Variants in LRP1B observed in about 807,000 individuals in gnomAD.
LRP1B encodes LDL receptor related protein 1B, also known as low-density lipoprotein receptor-related protein 1B.
LRP1B carries 217 observed loss-of-function variants against 556.6 expected under a neutral mutation model. The observed-to-expected ratio is 0.39, with a 90% CI of 0.35 to 0.44. The LOEUF is 0.44. LRP1B is among the 20% of genes least tolerant of loss of function. The pLI is 1.00. For missense variants in LRP1B, 5,053 were observed against 5,620.8 expected, an observed-to-expected ratio of 0.90 and a Z score of 3.23; for synonymous variants, 2,047 against 1,865.8, an observed-to-expected ratio of 1.10 and a Z score of -2.50.
chr2:140,447,330 A>C (rs1484019007), intron 63 of LRP1B, among the ~76,000 whole-genome samples: 1 of 152,110 alleles, frequency 6.6e-6, no homozygotes, highest in Admixed American at 6.6e-5. Flanking sequence ...CATACCTAGA[A>C]GATATTGGAG....
chr2:140,699,797 TTA>T (rs1195543735), intron 41 of LRP1B, among the ~76,000 whole-genome samples: 1 of 147,370 alleles, frequency 6.8e-6, no homozygotes, highest in Non-Finnish European at 1.5e-5. Context: ...ATAATATATA[TTA>T]TATATATATT....
chr2:140,923,070 G>T lies in LRP1B; in HGVS notation c.3214C>A (p.Arg1072Ser). 1 of 1,612,798 alleles carries T rather than the reference G, an allele frequency of 6.2e-7. No homozygotes were observed. The highest frequency in any genetic ancestry group is 1.1e-5 in the South Asian group (1 of 91,032). ...PDGNCVPDLW[R>S]CDGEKDCEDG... ...TCACAGTCTTTTTCTCCATCACAGC[G>T]CCACAAATCAGGAACGCAATTACCA... Residue 1072 changes from arginine to serine, a missense_variant, in exon 21 of 91, where the codon CGC becomes AGC. This residue lies in a region of LRP1B where 3,619 missense variants were observed against 3,931.9 expected (regional missense o/e 0.92). Coordinates refer to ENST00000389484, the MANE Select transcript of LRP1B (RefSeq NM_018557.3).
intron 1 of LRP1B, among the ~76,000 whole-genome samples, chr2:141,994,454 CA>C (rs1379962111): frequency 6.6e-6 from 1 of 152,002 alleles, no homozygotes; most frequent in Non-Finnish European, 1.5e-5. Context: ...GTGAATCACA[CA>C]AAATATTTTC....
chr2:141,051,847 C>G (rs975904426), intron 10 of LRP1B, among the ~76,000 whole-genome samples: 2 of 151,982 alleles, frequency 1.3e-5, no homozygotes, highest in Non-Finnish European at 2.9e-5. Flanking sequence ...ATACTTCACT[C>G]ATTTTCATTG....
chr2:141,865,306 G>A (rs867745588), intron 1 of LRP1B, among the ~76,000 whole-genome samples: 1 of 152,084 alleles, frequency 6.6e-6, no homozygotes, highest in African/African-American at 2.4e-5. Context: ...CATCAAGACA[G>A]AAATGGCCGG....
intron 2 of LRP1B, among the ~76,000 whole-genome samples, chr2:141,695,830 C>T (rs773885741): frequency 1.3e-5 from 2 of 151,938 alleles, no homozygotes; most frequent in Non-Finnish European, 2.9e-5. Context: ...CTGTCAAATT[C>T]TACCAGAAAA....
At chr2:141,912,249 A>G (rs1173769413) in intron 1 of LRP1B, among the ~76,000 whole-genome samples, 1 of 152,180 alleles carries the variant, frequency 6.6e-6, no homozygotes, top group African/African-American at 2.4e-5. Context: ...GTTTTCTGGT[A>G]TGGTGAAAGC....
At chr2:141,490,375 G>GTT (rs1683285538) in intron 2 of LRP1B, among the ~76,000 whole-genome samples, 1 of 108,342 alleles carries the variant, frequency 9.2e-6, no homozygotes, top group Non-Finnish European at 2.0e-5. Context: ...AGCCTCGTGT[G>GTT]TGTGTGTGTG....
chr2:140,294,619 T>C (rs1439024727), intron 84 of LRP1B, among the ~76,000 whole-genome samples: 1 of 152,030 alleles, frequency 6.6e-6, no homozygotes, highest in African/African-American at 2.4e-5. Context: ...GGAAGGGCAA[T>C]TGGTGTGGTT....
intron 3 of LRP1B, among the ~76,000 whole-genome samples, chr2:141,293,765 A>G (rs1316351910): frequency 6.6e-6 from 1 of 152,106 alleles, no homozygotes; most frequent in East Asian, 1.9e-4. Context: ...TTGCCCTGTG[A>G]CTAAGTAATC....
chr2:141,730,053 T>C (rs1027258794), intron 2 of LRP1B, among the ~76,000 whole-genome samples: 4 of 152,138 alleles, frequency 2.6e-5, no homozygotes, highest in African/African-American at 9.7e-5. Flanking sequence ...CAAAACTGTC[T>C]CACGGAACTG....
At chr2:141,673,957 CT>C (rs1168395475) in intron 2 of LRP1B, among the ~76,000 whole-genome samples, 3 of 151,936 alleles carry the variant, frequency 2.0e-5, no homozygotes, top group African/African-American at 7.2e-5. Context: ...CCTCCTCTAA[CT>C]GTGATGAAAA....
At chr2:140,666,035 C>T (rs80058979) in intron 41 of LRP1B, among the ~76,000 whole-genome samples, 1 of 150,940 alleles carries the variant, frequency 6.6e-6, no homozygotes, top group Non-Finnish European at 1.5e-5. Context: ...ACTCTGTTGC[C>T]CAAGCTAGAG....
chr2:140,653,518 T>G (rs1160901981), intron 41 of LRP1B, among the ~76,000 whole-genome samples: 1 of 151,690 alleles, frequency 6.6e-6, no homozygotes, highest in African/African-American at 2.4e-5. Flanking sequence ...AATAACAACG[T>G]AAAGAATGAC....
At chr2:141,869,801 A>G (rs912125675) in intron 1 of LRP1B, among the ~76,000 whole-genome samples, 1 of 152,118 alleles carries the variant, frequency 6.6e-6, no homozygotes, top group African/African-American at 2.4e-5. Context: ...GTGTTAGATA[A>G]ATTTCCCAAT....
At chr2:141,114,768 C>T (rs542763348) in intron 7 of LRP1B, among the ~76,000 whole-genome samples, 1 of 152,238 alleles carries the variant, frequency 6.6e-6, no homozygotes, top group Non-Finnish European at 1.5e-5. Context: ...CCAGCATTTC[C>T]CTGCCTCCTG....
chr2:142,101,198 G>A (rs765534469), intron 1 of LRP1B, among the ~76,000 whole-genome samples: 12 of 151,900 alleles, frequency 7.9e-5, no homozygotes, highest in Non-Finnish European at 1.2e-4. Context: ...TGGTGATTTG[G>A]ACCACAGCCA....
chr2:140,525,960 C>T lies in LRP1B; in HGVS notation c.7910G>A (p.Gly2637Glu), dbSNP rs1234176368. 5.6e-6 allele frequency: 9 copies of T among 1,611,996 alleles called. No individual in the cohort carries two copies. Among genetic ancestry groups the T allele is most frequent in the Non-Finnish European group, 5.9e-6 (7 of 1,178,878 alleles). The change falls in exon 49 of 91, where the codon GGA becomes GAA. Residue 2637 changes from glycine (G) to glutamate (E), a missense_variant. This residue lies in a region of LRP1B where 3,619 missense variants were observed against 3,931.9 expected (regional missense o/e 0.92). Coordinates refer to ENST00000389484, the MANE Select transcript of LRP1B (RefSeq NM_018557.3). ...TCTTATGAACCCTGTGGTTTTCACTCCAAGCTTATAGAAATGTGTGCAGTC... is the reference window on the plus strand; with the variant it reads ...TCTTATGAACCCTGTGGTTTTCACTTCAAGCTTATAGAAATGTGTGCAGTC... The part of the protein sequence containing the change: ...NTDCTHFYKL[G>E]VKTTGFIRCN...
chr2:140,627,710 A>C (rs1327675905), intron 41 of LRP1B, among the ~76,000 whole-genome samples: 1 of 152,200 alleles, frequency 6.6e-6, no homozygotes. Flanking sequence ...GAGAACCTTA[A>C]TACACCAATT....
Sources: allele counts gnomAD v4.1 joint callset (sites outside exome capture counted in the v4.1 genomes callset), GRCh38; gene constraint gnomAD v4.1.1; regional missense constraint gnomAD v4.1.1; transcripts MANE v1.5; gene names NCBI Gene and HGNC (gene_info 2026-07-23, HGNC 2026-07-21).